The following SH2B1 variants were observed in gnomAD, a reference collection of about 807,000 sequenced individuals.
SH2B1 encodes the protein SH2B adaptor protein 1.
SH2B1 carries 15 observed loss-of-function variants against 62.6 expected under a neutral mutation model. The observed-to-expected ratio is 0.24, with a 90% CI of 0.16 to 0.37. The LOEUF (loss-of-function observed/expected upper bound fraction) is 0.37. Ranked by LOEUF, SH2B1 falls within the 10% of genes least tolerant of loss-of-function variation. SH2B1 has a pLI of 1.00. For missense variants in SH2B1, 925 were observed against 1,015.6 expected (o/e 0.91, Z 1.21); for synonymous variants, 443 against 438.0 (o/e 1.01, Z -0.14).
chr16:28,859,871 C>A (rs763179602), upstream of SH2B1, among the ~76,000 whole-genome samples: 21 of 103,082 alleles, frequency 2.0e-4, no homozygotes, highest in South Asian at 3.5e-3. Context: ...CCAATAGACC[C>A]CCCCCCCCCG....
intron 1 of SH2B1, among the ~76,000 whole-genome samples, chr16:28,853,346 G>C (rs1236635542): frequency 6.7e-6 from 1 of 149,144 alleles, no homozygotes; most frequent in African/African-American, 2.5e-5. Flanking sequence ...TGGGATTACA[G>C]GCGTGTGCCA....
Position 28,852,207 on chromosome 16 carries a change from C to CATATATATATTTACATATATATTTACAT in SH2B1, c.-301+5389_-301+5416dup, listed in dbSNP as rs1962116944. ...ATATATATTTTTATTTATATATTTA[C>CATATATATATTTACATATATATTTACAT]ATATATATATTTACATATATATTTA... On this transcript the variant is annotated intron_variant, in intron 1 of 10. Transcript: ENST00000322610. Among the ~76,000 whole-genome samples the CATATATATATTTACATATATATTTACAT allele has an allele frequency of 4.8e-5, 4 of 83,680 alleles. 1 individual carries two copies. Among genetic ancestry groups the CATATATATATTTACATATATATTTACAT allele is most frequent in the East Asian group, 4.5e-4 (1 of 2,214 alleles). The allele number at this position is 83,680 out of a possible 152,430, so 54.9% of individuals were successfully genotyped here.
chr16:28,864,358 G>C lies in SH2B1; in HGVS notation c.-1737G>C. The C allele has an allele frequency of 1.1e-5, 11 of 991,794 alleles. No individual in the cohort carries two copies. The highest frequency in any genetic ancestry group is 1.3e-5 in the Non-Finnish European group (11 of 833,580). 61.4% of individuals were successfully genotyped at this position (991,794 alleles called of 1,614,324 possible). ...CGCAGGGTCAGCGGGCCTGAAGGGG[G>C]CTGGGTCTGTCTGCGGTGCGGAGGA... On this transcript the variant is annotated 5_prime_UTR_variant, in exon 1 of 8. Coordinates refer to ENST00000684370, the MANE Select transcript of SH2B1 (RefSeq NM_001387430.1).
At chr16:28,862,294 T>G (rs1036742255), upstream of SH2B1, 1 of 152,134 alleles carries the variant, frequency 6.6e-6, no homozygotes, top group African/African-American at 2.4e-5. Flanking sequence ...ACCTCATTAT[T>G]ATTATTGTTA....
upstream of SH2B1, chr16:28,862,066 C>G (rs531058724): frequency 6.6e-6 from 1 of 152,334 alleles, no homozygotes; most frequent in Non-Finnish European, 1.5e-5. Context: ...TCTGTCCGCT[C>G]TGGACTTTTC....
chr16:28,852,639 T>TATATATTTATATATATACAC (rs1962170840), intron 1 of SH2B1, among the ~76,000 whole-genome samples: 1 of 89,126 alleles, frequency 1.1e-5, no homozygotes, highest in Non-Finnish European at 1.9e-5. Flanking sequence ...TATATACACA[T>TATATATTTATATATATACAC]ATATATTTAT....
At position 28,866,506 on chromosome 16, in the gene SH2B1, T is replaced by G. The variant is rs1028741991; in HGVS notation, c.412T>G (p.Ser138Ala). 6.8e-6 allele frequency: 11 copies of G among 1,613,900 alleles called. No homozygotes were observed. In the Admixed American group the frequency reaches 1.8e-4, roughly 27 times the overall value. Residue 138 changes from serine to alanine, a missense_variant, in exon 1 of 8, where the codon TCT (serine) becomes GCT (alanine). Transcript: ENST00000684370. This position sits in a 1 kb window ranked among gnomAD's most constrained non-coding sequence, Gnocchi z 6.3. ...DLAGPLPSSV[S>A]SSSTTSSKPK... ...GGCCGGCCCCCTCCCTTCCTCAGTC[T>G]CTTCCTCCTCTACAACCTCCTCCAA...
At position 28,864,538 on chromosome 16, in the gene SH2B1, G is replaced by C; in HGVS notation, c.-1557G>C. 1 of 985,708 alleles carries C rather than the reference G, an allele frequency of 1.0e-6. No homozygotes were observed. The highest frequency in any genetic ancestry group is 1.1e-4 in the East Asian group (1 of 8,922). The allele number at this position is 985,708 out of a possible 1,614,324, so 61.1% of individuals were successfully genotyped here. Reference sequence around the variant, plus strand: ...CGGTTGGAGCCATCTGAGCTTGTAGGGTCGAGGCCCAGGAGGAAGGGGAGG... The same window carrying C: ...CGGTTGGAGCCATCTGAGCTTGTAGCGTCGAGGCCCAGGAGGAAGGGGAGG... On this transcript the variant is annotated 5_prime_UTR_variant, in exon 1 of 8. Coordinates refer to ENST00000684370, the MANE Select transcript of SH2B1 (RefSeq NM_001387430.1).
chr16:28,865,625 G>T lies in SH2B1; in HGVS notation c.-470G>T. 1.0e-6 allele frequency: 1 copy of T among 988,358 alleles called. No individual in the cohort carries two copies. Among genetic ancestry groups the T allele is most frequent in the Non-Finnish European group, 1.2e-6 (1 of 832,098 alleles). The allele number at this position is 988,358 out of a possible 1,614,324, so 61.2% of individuals were successfully genotyped here. On this transcript the variant is annotated 5_prime_UTR_variant, in exon 1 of 8. Coordinates refer to ENST00000684370, the MANE Select transcript of SH2B1 (RefSeq NM_001387430.1). ...GGTCTTTGAAACCTCTCAGGGAAAG[G>T]TAAGATAACCAAGTGGGAGCCTCTA...
intron 1 of SH2B1, among the ~76,000 whole-genome samples, chr16:28,852,830 A>G (rs1337803584): frequency 9.3e-5 from 1 of 10,734 alleles, no homozygotes; most frequent in Non-Finnish European, 1.5e-4. Flanking sequence ...ATATATATTT[A>G]TATATATATA....
chr16:28,868,419 C>T (rs905551100), intron 2 of SH2B1, among the ~76,000 whole-genome samples: 4 of 151,890 alleles, frequency 2.6e-5, no homozygotes, highest in Non-Finnish European at 4.4e-5. Context: ...GGATTATAGG[C>T]GTGAGCCACT....
chr16:28,873,792 C>T lies in SH2B1; in HGVS notation c.2243C>T (p.Ala748Val), dbSNP rs1475405244. Residue 748 changes from alanine (A) to valine (V), a missense_variant, in exon 8 of 8, where the codon GCC (alanine) becomes GTC (valine). Coordinates refer to ENST00000684370, the MANE Select transcript of SH2B1 (RefSeq NM_001387430.1). This position sits in a 1 kb window ranked among gnomAD's most constrained non-coding sequence, Gnocchi z 4.2. Reference sequence around the variant, plus strand: ...GGAGAGGAAGGGGGCCACCCCAGGGCCATTAACAACCAGTACTCCTTCGTG... The same window carrying T: ...GGAGAGGAAGGGGGCCACCCCAGGGTCATTAACAACCAGTACTCCTTCGTG... ...GDGEEGGHPR[A>V]INNQYSFV is the part of the protein sequence containing the mutation. 11 of 1,461,762 alleles carry T rather than the reference C, an allele frequency of 7.5e-6. No individual in the cohort carries two copies. The highest frequency in any genetic ancestry group is 9.9e-6 in the Non-Finnish European group (11 of 1,109,222). 90.5% of individuals were successfully genotyped at this position (1,461,762 alleles called of 1,614,324 possible).
chr16:28,864,754 T>A lies in SH2B1; in HGVS notation c.-1341T>A. 1.4e-6 allele frequency: 1 copy of A among 717,908 alleles called. No homozygotes were observed. Among genetic ancestry groups the A allele is most frequent in the Non-Finnish European group, 1.7e-6 (1 of 585,634 alleles). 44.5% of individuals were successfully genotyped at this position (717,908 alleles called of 1,614,324 possible). A position where few individuals can be genotyped will look rare whatever the true frequency, so the allele number is the denominator to read the frequency against. On this transcript the variant is annotated 5_prime_UTR_variant, in exon 1 of 8. Coordinates refer to ENST00000684370, the MANE Select transcript of SH2B1 (RefSeq NM_001387430.1). ...ACCCAGCTCTGCCACTTTCTAGTTG[T>A]AAGACCTTGAGAGGGCTCCTCCTTT...
In SH2B1 at chr16:28,867,416, A is replaced by G; in HGVS notation, c.1025A>G (p.Asn342Ser). Residue 342 changes from asparagine to serine, a missense_variant, in exon 2 of 8, where the codon AAC becomes AGC. This residue lies in a region of SH2B1 where 683 missense variants were observed against 704.0 expected (regional missense o/e 0.97). Transcript: ENST00000684370. Reference protein sequence around the residue: ...TTALEMPDRENTFVVKVEGPS... With the variant: ...TTALEMPDRESTFVVKVEGPS... ...GCCCTGGAGATGCCTGACCGGGAGA[A>G]CACGTTTGTGGTTAAGGTAGGAATT... 1.2e-6 allele frequency: 2 copies of G among 1,613,770 alleles called. No homozygotes were observed. Among genetic ancestry groups the G allele is most frequent in the Non-Finnish European group, 1.7e-6 (2 of 1,179,630 alleles).
chr16:28,862,928 T>A (rs1046122750), upstream of SH2B1: 2 of 143,758 alleles, frequency 1.4e-5, no homozygotes, highest in African/African-American at 5.2e-5. Flanking sequence ...CTGACCTCAT[T>A]TTTTTTTTTT....
rs1461688864 is a variant in SH2B1, at chr16:28,852,354, ATATATATATT to A, written c.-301+5540_-301+5549del. Among the ~76,000 whole-genome samples, 26 of 74,012 alleles carry A rather than the reference ATATATATATT, an allele frequency of 3.5e-4. 7 individuals carry two copies. The highest frequency in any genetic ancestry group is 1.3e-3 in the Admixed American group (6 of 4,640). The allele number at this position is 74,012 out of a possible 152,430, so 48.6% of individuals were successfully genotyped here. ...TACATATATATTTACATATATATTT[ATATATATATT>A]TATATATATTTACATATATTTATAT... On this transcript the variant is annotated intron_variant, in intron 1 of 10. Transcript: ENST00000322610.
chr16:28,852,797 C>CAT lies in SH2B1; in HGVS notation c.-301+5977_-301+5978dup, dbSNP rs1358795626. Reference sequence around the variant, plus strand: ...ATATATATATTTACATATATATTTACATATATATTTACATATATTTACATA... The same window carrying CAT: ...ATATATATATTTACATATATATTTACATATATATATTTACATATATTTACATA... On this transcript the variant is annotated intron_variant, in intron 1 of 10. Transcript: ENST00000322610. Among the ~76,000 whole-genome samples the CAT allele has an allele frequency of 1.5e-4, 9 of 60,962 alleles. 2 individuals carry two copies. The East Asian group carries it at 1.6e-3, about 11-fold the overall frequency. 40.0% of individuals were successfully genotyped at this position (60,962 alleles called of 152,430 possible).
In SH2B1 at chr16:28,855,445, T is replaced by C. The variant is rs570965068; in HGVS notation, c.-300-6173T>C. On this transcript the variant is annotated intron_variant, in intron 1 of 10. Coordinates refer to the SH2B1 transcript ENST00000322610. ...CATGTTGGCCAGGCTGGCCTCAAACTCCTGGCCTCGAGTGATCTGCCCGTC... is the reference window on the plus strand; with the variant it reads ...CATGTTGGCCAGGCTGGCCTCAAACCCCTGGCCTCGAGTGATCTGCCCGTC... 8.1e-4 allele frequency among the ~76,000 whole-genome samples: 123 copies of C among 152,258 alleles called. 1 individual carries two copies. Among genetic ancestry groups the C allele is most frequent in the African/African-American group, 2.9e-3 (119 of 41,552 alleles).
At chr16:28,855,651 T>TTTA (rs1197951596) in intron 1 of SH2B1, among the ~76,000 whole-genome samples, 12,092 of 106,910 alleles carry the variant, frequency 0.11, 1,057 homozygotes, top group East Asian at 0.4. Context: ...TTATTTATTT[T>TTTA]TTTTTTGAGA....
Sources: gnomAD v4.1 joint callset for allele counts (sites outside exome capture counted in the v4.1 genomes callset) on GRCh38, gnomAD v4.1.1 for gene constraint, gnomAD v4.1.1 regional missense constraint, Gnocchi (gnomAD v3.1) non-coding constraint, MANE v1.5 for transcripts, NCBI Gene and HGNC (gene_info 2026-07-23, HGNC 2026-07-21) for gene names.